The following ANKFN1 variants were observed in gnomAD, a reference collection of about 807,000 sequenced individuals.
The protein encoded by ANKFN1 is ankyrin repeat and fibronectin type III domain containing 1.
ANKFN1 carries 74 observed loss-of-function variants against 108.7 expected under a neutral mutation model. That is an observed-to-expected ratio of 0.68 (90% CI 0.56 to 0.83). ANKFN1 has a LOEUF of 0.83. ANKFN1 is among the 40% of genes least tolerant of loss of function. The pLI, the probability that ANKFN1 is intolerant of heterozygous loss-of-function variation, is 0.00. For synonymous variants in ANKFN1, 547 were observed against 516.2 expected, an observed-to-expected ratio of 1.06 and a Z score of -0.81; for missense variants, 1,505 against 1,382.3, an observed-to-expected ratio of 1.09 and a Z score of -1.41.
intron 11 of ANKFN1, 105 bp from the exon 12 acceptor site, chr17:56,456,755 AC>A: frequency 1.2e-6 from 1 of 865,744 alleles, no homozygotes; most frequent in South Asian, 1.5e-5. Flanking sequence ...AGGATAAGTG[AC>A]ACTAAAGGGA....
At chr17:56,383,769 G>T (rs966216811) in intron 8 of ANKFN1, among the ~76,000 whole-genome samples, 1 of 152,110 alleles carries the variant, frequency 6.6e-6, no homozygotes, top group African/African-American at 2.4e-5. Context: ...ACTCTCCCAA[G>T]ACTAAACCAG....
chr17:56,397,040 AAATT>A (rs1274470464), intron 8 of ANKFN1, among the ~76,000 whole-genome samples: 2 of 151,934 alleles, frequency 1.3e-5, no homozygotes, highest in African/African-American at 2.4e-5. Flanking sequence ...AAGAAAAATA[AAATT>A]AATAAAATTT....
At chr17:56,099,392 A>G (rs1433342865) in intron 4 of ANKFN1, among the ~76,000 whole-genome samples, 4 of 152,178 alleles carry the variant, frequency 2.6e-5, no homozygotes, top group Non-Finnish European at 2.9e-5. Flanking sequence ...CTATCTTAGA[A>G]TTCCAAGCTT....
At position 56,062,539 on chromosome 17, in the gene ANKFN1, G is replaced by A. The variant is rs374603339; in HGVS notation, c.288+16214G>A. Among the ~76,000 whole-genome samples the A allele has an allele frequency of 2.9e-4, 42 of 146,108 alleles. No homozygotes were observed. The East Asian group carries it at 7.1e-3, about 25-fold the overall frequency. ...TTGGTTCAAAGTCTTTTTTGTCAGAGACTAGGATTGTAATCTCTGCTTTTT... is the reference window on the plus strand; with the variant it reads ...TTGGTTCAAAGTCTTTTTTGTCAGAAACTAGGATTGTAATCTCTGCTTTTT... On this transcript the variant is annotated intron_variant, in intron 4 of 12. Transcript: ENST00000635860.
At chr17:56,127,297 T>C (rs1165448605) in intron 4 of ANKFN1, among the ~76,000 whole-genome samples, 1 of 152,122 alleles carries the variant, frequency 6.6e-6, no homozygotes, top group Non-Finnish European at 1.5e-5. Flanking sequence ...ATTCCAAGCC[T>C]GAGCTTTTCC....
chr17:56,247,871 G>C (rs927365145), intron 3 of ANKFN1, among the ~76,000 whole-genome samples: 4 of 152,178 alleles, frequency 2.6e-5, no homozygotes, highest in African/African-American at 9.7e-5. Flanking sequence ...ACAATGGTTA[G>C]CAGGGTCCTG....
chr17:56,063,242 TTA>T (rs1437967750), intron 4 of ANKFN1, among the ~76,000 whole-genome samples: 1 of 152,198 alleles, frequency 6.6e-6, no homozygotes, highest in African/African-American at 2.4e-5. Context: ...ATTGATCTTC[TTA>T]TAGTGTATCT....
At chr17:56,189,822 A>G (rs916959381) in intron 1 of ANKFN1, among the ~76,000 whole-genome samples, 3 of 152,326 alleles carry the variant, frequency 2.0e-5, no homozygotes, top group East Asian at 3.9e-4. Flanking sequence ...ATTCTGCTCT[A>G]TCATTCATAA....
intron 3 of ANKFN1, among the ~76,000 whole-genome samples, chr17:56,300,998 C>T (rs1346888761): frequency 6.6e-6 from 1 of 152,212 alleles, no homozygotes; most frequent in African/African-American, 2.4e-5. Context: ...GGATAGCTTT[C>T]CACATCGTCC....
chr17:56,334,941 T>C (rs1177818669), intron 4 of ANKFN1, among the ~76,000 whole-genome samples: 1 of 152,188 alleles, frequency 6.6e-6, no homozygotes, highest in Non-Finnish European at 1.5e-5. Context: ...GCTTTCTACA[T>C]ATGGCTAGCC....
intron 4 of ANKFN1, among the ~76,000 whole-genome samples, chr17:56,134,504 G>T (rs538393021): frequency 6.6e-6 from 1 of 152,080 alleles, no homozygotes; most frequent in Non-Finnish European, 1.5e-5. Flanking sequence ...AACAAAAGAT[G>T]CTTCTGTCAC....
intron 4 of ANKFN1, among the ~76,000 whole-genome samples, chr17:56,047,930 A>G (rs1904707582): frequency 6.6e-6 from 1 of 152,196 alleles, no homozygotes; most frequent in South Asian, 2.1e-4. Context: ...TTTTCCCGTT[A>G]CTATTAATGC....
At chr17:56,081,416 G>A (rs917719805) in intron 4 of ANKFN1, among the ~76,000 whole-genome samples, 8 of 152,038 alleles carry the variant, frequency 5.3e-5, no homozygotes, top group Admixed American at 2.6e-4. Flanking sequence ...GCAGTGGTGT[G>A]ATCTCAGCTC....
chr17:56,254,900 C>T (rs2043320915), intron 3 of ANKFN1, among the ~76,000 whole-genome samples: 1 of 152,202 alleles, frequency 6.6e-6, no homozygotes, highest in Non-Finnish European at 1.5e-5. Flanking sequence ...TGGCAACCCC[C>T]AGACACAAAG....
intron 10 of ANKFN1, among the ~76,000 whole-genome samples, chr17:56,447,889 G>C (rs1218413664): frequency 6.6e-6 from 1 of 152,190 alleles, no homozygotes; most frequent in East Asian, 1.9e-4. Context: ...GTAGGAGTCA[G>C]GATTCACACC....
At chr17:56,351,047 A>C in intron 5 of ANKFN1, 80 bp downstream of exon 5, 1 of 1,419,076 alleles carries the variant, frequency 7.0e-7, no homozygotes, top group East Asian at 2.4e-5. Flanking sequence ...AAGATGATTC[A>C]TGTTTACTTC....
chr17:56,130,264 C>G (rs2143340363), intron 4 of ANKFN1, among the ~76,000 whole-genome samples: 1 of 152,290 alleles, frequency 6.6e-6, no homozygotes, highest in East Asian at 1.9e-4. Context: ...CTGGCAGGCC[C>G]TCGCTGGCAG....
rs766220024 is a variant in ANKFN1, at chr17:56,442,920, T to C, written c.1086T>C (p.Cys362=). The C allele has an allele frequency of 8.7e-6, 14 of 1,613,722 alleles. No homozygotes were observed. The highest frequency in any genetic ancestry group is 4.4e-5 in the South Asian group (4 of 91,052). Residue 362 remains cysteine, a synonymous_variant, in exon 10 of 21, where the codon TGT becomes TGC. Coordinates refer to ENST00000682825, the MANE Select transcript of ANKFN1 (RefSeq NM_001370326.1). ...CTGCTCAGACCACGACACCGGCATG[T>C]GCCTCTCCTTCTAGTAGGTGGTGGC... The part of the protein sequence containing the change: ...WGPAQTTTPA[C]ASPSNWKDYD...
At position 56,306,471 on chromosome 17, in the gene ANKFN1, C is replaced by T. The variant is rs540940764; in HGVS notation, c.54-19750C>T. ...GAGCCAAATCATGAGTGAACTCCCACTCGCAATTGCTTCAAAGAGAATAAA... is the reference window on the plus strand; with the variant it reads ...GAGCCAAATCATGAGTGAACTCCCATTCGCAATTGCTTCAAAGAGAATAAA... On this transcript the variant is annotated intron_variant, in intron 3 of 20. Transcript: ENST00000682825. Among the ~76,000 whole-genome samples, 26 of 152,242 alleles carry T rather than the reference C, an allele frequency of 1.7e-4. No individual in the cohort carries two copies. In the East Asian group the frequency reaches 4.3e-3, roughly 25 times the overall value.
Sources: gnomAD v4.1 joint callset for allele counts (sites outside exome capture counted in the v4.1 genomes callset) on GRCh38, gnomAD v4.1.1 for gene constraint, MANE v1.5 for transcripts, NCBI Gene and HGNC (gene_info 2026-07-23, HGNC 2026-07-21) for gene names.